PAK3: variants seen among roughly 807,000 people sequenced by gnomAD.
PAK3 encodes p21 (RAC1) activated kinase 3, also known as serine/threonine-protein kinase PAK 3.
PAK3 carries 4 observed loss-of-function variants against 41.0 expected under a neutral mutation model. The ratio of observed to expected loss-of-function variants is 0.10; its 90% CI spans 0.05 to 0.22. The LOEUF (loss-of-function observed/expected upper bound fraction) is 0.22. Among genes scored for constraint, PAK3 ranks in the 10% least tolerant of loss-of-function variants. The pLI, the probability that PAK3 is intolerant of heterozygous loss-of-function variation, is 1.00. For synonymous variants in PAK3, 146 were observed against 139.6 expected (o/e 1.05, Z -0.32); for missense variants, 205 against 409.9 (o/e 0.50, Z 4.32).
intron 6 of PAK3, among the ~76,000 whole-genome samples, chrX:111,145,793 G>A (rs1402144964): frequency 2.7e-5 from 3 of 111,742 alleles, no homozygotes; most frequent in Non-Finnish European, 5.6e-5. Flanking sequence ...TATTTTGTGG[G>A]AAGTGGGATT....
At chrX:111,088,548 G>T (rs962185855) in intron 1 of PAK3, among the ~76,000 whole-genome samples, 1 of 111,820 alleles carries the variant, frequency 8.9e-6, no homozygotes, top group Non-Finnish European at 1.9e-5. Context: ...GAGCCTCTAG[G>T]TAGATTCTAG....
intron 1 of PAK3, among the ~76,000 whole-genome samples, chrX:111,039,634 C>A (rs147501864): frequency 1.8e-5 from 2 of 111,341 alleles, no homozygotes; most frequent in Non-Finnish European, 3.8e-5. Flanking sequence ...CTTTAATAGA[C>A]CATGTAGACA....
intron 8 of PAK3, among the ~76,000 whole-genome samples, chrX:111,154,072 T>C (rs2094069283): frequency 8.9e-6 from 1 of 111,950 alleles, no homozygotes. Flanking sequence ...ATTCCACGTA[T>C]GTGAGGTACC....
chrX:111,088,432 A>G (rs1384137785), intron 1 of PAK3, among the ~76,000 whole-genome samples: 1 of 111,904 alleles, frequency 8.9e-6, no homozygotes, highest in African/African-American at 3.3e-5. Context: ...TTGTCCTTGT[A>G]TCCAGTACCA....
At chrX:110,970,838 C>T (rs957869370) in intron 1 of PAK3, among the ~76,000 whole-genome samples, 1 of 112,155 alleles carries the variant, frequency 8.9e-6, no homozygotes, top group African/African-American at 3.2e-5. Flanking sequence ...GATCAAGGCT[C>T]ATTTTTATAA....
In PAK3 at chrX:111,164,322, T is replaced by G. The variant is rs183023374; in HGVS notation, c.766+595T>G. 4.8e-3 allele frequency among the ~76,000 whole-genome samples: 534 copies of G among 111,268 alleles called. 2 individuals are homozygous for G. The highest frequency in any genetic ancestry group is 7.2e-3 in the Non-Finnish European group (382 of 52,971). On this transcript the variant is annotated intron_variant, in intron 10 of 17. Transcript: ENST00000372007. ...AGAAGATAAAAAAAAATGGATTATC[T>G]GCTGAAAAGTCAAAGGTTTGTAAAG...
intron 17 of PAK3, among the ~76,000 whole-genome samples, chrX:111,219,063 G>A (rs776340810): frequency 1.5e-4 from 16 of 108,601 alleles, no homozygotes; most frequent in African/African-American, 2.3e-4. Context: ...GGTGGCATGC[G>A]CCTGTGATCC....
At position 111,062,614 on chromosome X, in the gene PAK3, G is replaced by A. The variant is rs146586148; in HGVS notation, c.-27-60463G>A. Among the ~76,000 whole-genome samples the A allele has an allele frequency of 9.9e-5, 11 of 111,447 alleles. No individual in the cohort carries two copies. In the East Asian group the frequency reaches 3.1e-3, roughly 32 times the overall value. ...ATACCATACAACCTCAGGCTTACCAGGAAGTAGCATCTTGCTTGCAAGAAG... is the reference window on the plus strand; with the variant it reads ...ATACCATACAACCTCAGGCTTACCAAGAAGTAGCATCTTGCTTGCAAGAAG... On this transcript the variant is annotated intron_variant, in intron 1 of 14. Coordinates refer to the PAK3 transcript ENST00000425146.
At chrX:110,991,328 G>T (rs1437032701) in intron 1 of PAK3, among the ~76,000 whole-genome samples, 1 of 111,606 alleles carries the variant, frequency 9.0e-6, no homozygotes, top group Non-Finnish European at 1.9e-5. Context: ...TACATGATTA[G>T]TACTCAATAA....
intron 1 of PAK3, among the ~76,000 whole-genome samples, chrX:111,028,901 G>C (rs1379235266): frequency 9.0e-6 from 1 of 110,965 alleles, no homozygotes; most frequent in African/African-American, 3.3e-5. Flanking sequence ...GGGAGGCTGA[G>C]GCCAGACGAT....
At chrX:111,016,847 G>T (rs762822146) in intron 1 of PAK3, among the ~76,000 whole-genome samples, 7 of 110,091 alleles carry the variant, frequency 6.4e-5, no homozygotes, top group Non-Finnish European at 9.5e-5. Context: ...ATTAGGAGTT[G>T]ATTAAAGCAC....
At chrX:111,075,124 C>T (rs914554862) in intron 1 of PAK3, among the ~76,000 whole-genome samples, 2 of 112,441 alleles carry the variant, frequency 1.8e-5, no homozygotes, top group Non-Finnish European at 3.8e-5. Context: ...GAAGCCTAGC[C>T]ATGTCACAAA....
In PAK3 at chrX:111,011,744, G is replaced by T. The variant is rs1052600305; in HGVS notation, c.-28+67116G>T. ...CTCCCACAACCTTCTTTGTGCACATGCAACCTTCTTTGTATTCAGGCATGT... is the reference window on the plus strand; with the variant it reads ...CTCCCACAACCTTCTTTGTGCACATTCAACCTTCTTTGTATTCAGGCATGT... On this transcript the variant is annotated intron_variant, in intron 1 of 14. Coordinates refer to the PAK3 transcript ENST00000425146. Among the ~76,000 whole-genome samples the T allele has an allele frequency of 2.7e-5, 3 of 112,174 alleles. No individual in the cohort carries two copies. In the Admixed American group the frequency reaches 2.8e-4, roughly 11 times the overall value.
In PAK3 at chrX:111,108,239, C is replaced by A. The variant is rs905378349; in HGVS notation, c.-28+4933C>A. On this transcript the variant is annotated intron_variant, in intron 4 of 17. Coordinates refer to ENST00000372007, the MANE Select transcript of PAK3 (RefSeq NM_002578.5). Reference sequence around the variant, plus strand: ...TTCCTTGTAGATAGCTTGCTTAGCACAGGGCTGTGCCATATTCCCAGAAGA... The same window carrying A: ...TTCCTTGTAGATAGCTTGCTTAGCAAAGGGCTGTGCCATATTCCCAGAAGA... Among the ~76,000 whole-genome samples, 6 of 112,266 alleles carry A rather than the reference C, an allele frequency of 5.3e-5. No homozygotes were observed. In the East Asian group the frequency reaches 1.7e-3, roughly 31 times the overall value.
At chrX:111,181,471 C>T (rs760997464) in intron 11 of PAK3, among the ~76,000 whole-genome samples, 6 of 110,844 alleles carry the variant, frequency 5.4e-5, no homozygotes, top group South Asian at 7.7e-4. Flanking sequence ...GTAATCAAGC[C>T]CTCAGTCCCC....
At chrX:111,053,071 T>C (rs1023402935) in intron 1 of PAK3, among the ~76,000 whole-genome samples, 2 of 112,233 alleles carry the variant, frequency 1.8e-5, no homozygotes, top group Non-Finnish European at 3.8e-5. Flanking sequence ...ATCTGTGACA[T>C]ATTCAGGAAT....
chrX:111,130,789 A>G (rs770307511), intron 5 of PAK3, among the ~76,000 whole-genome samples: 1 of 111,839 alleles, frequency 8.9e-6, no homozygotes, highest in South Asian at 3.8e-4. Flanking sequence ...CCATAAGATG[A>G]TGTATTTTGG....
intron 1 of PAK3, among the ~76,000 whole-genome samples, chrX:111,060,952 T>C (rs2092650587): frequency 8.9e-6 from 1 of 111,904 alleles, no homozygotes; most frequent in Admixed American, 9.5e-5. Context: ...TCATGGTTAA[T>C]TAGTGGTAAA....
intron 16 of PAK3, among the ~76,000 whole-genome samples, chrX:111,211,702 G>A (rs1447385380): frequency 1.9e-5 from 2 of 105,405 alleles, no homozygotes; most frequent in Non-Finnish European, 3.8e-5. Context: ...GAAAGAAAAT[G>A]TATGTGTTGG....
Sources: gnomAD v4.1 joint callset for allele counts (sites outside exome capture counted in the v4.1 genomes callset) on GRCh38, gnomAD v4.1.1 for gene constraint, MANE v1.5 for transcripts, NCBI Gene and HGNC (gene_info 2026-07-23, HGNC 2026-07-21) for gene names.